TARDBP: variants seen among roughly 807,000 people sequenced by gnomAD.
The protein encoded by TARDBP is TAR DNA-binding protein 43.
TARDBP carries 4 observed loss-of-function variants against 38.3 expected under a neutral mutation model. The observed-to-expected ratio is 0.10, with a 90% CI of 0.05 to 0.24. TARDBP has a LOEUF of 0.24. Ranked by LOEUF, TARDBP falls within the 10% of genes least tolerant of loss-of-function variation. The pLI is 1.00. For synonymous variants in TARDBP, 184 were observed against 183.8 expected (o/e 1.00, Z -0.01); for missense variants, 202 against 521.9 (o/e 0.39, Z 5.97).
At chr1:11,029,605 T>TATA (rs898571346), downstream of TARDBP, 9 of 149,912 alleles carry the variant, frequency 6.0e-5, no homozygotes, top group African/African-American at 2.2e-4. Context: ...TTTATAAATG[T>TATA]ATAAGTTGGT....
intron 3 of TARDBP, 94 bp downstream of exon 3, chr1:11,017,101 G>T: frequency 1.5e-6 from 2 of 1,375,478 alleles, no homozygotes; most frequent in Non-Finnish European, 2.0e-6. Context: ...GTATCACTAT[G>T]TTCCCTAGGT....
At chr1:11,027,733 A>G, downstream of TARDBP, 4 of 1,428,588 alleles carry the variant, frequency 2.8e-6, no homozygotes, top group South Asian at 5.6e-5. Flanking sequence ...TGAAGTATAT[A>G]TTTGATGTCA....
intron 3 of TARDBP, among the ~76,000 whole-genome samples, chr1:11,017,218 T>C (rs1643543216): frequency 6.6e-6 from 1 of 150,988 alleles, no homozygotes; most frequent in Admixed American, 6.6e-5. Flanking sequence ...TTTTTTTTTT[T>C]TTGGAGACCA....
intron 5 of TARDBP, 98 bp downstream of exon 5, chr1:11,020,697 GGA>G: frequency 1.5e-6 from 2 of 1,327,748 alleles, no homozygotes. Flanking sequence ...CACGAGGTCA[GGA>G]GATCAAGACC....
downstream of TARDBP, chr1:11,027,117 C>G: frequency 6.2e-7 from 1 of 1,610,718 alleles, no homozygotes; most frequent in Non-Finnish European, 8.5e-7. Flanking sequence ...AGTTACACTT[C>G]CCCTTGGATA....
downstream of TARDBP, chr1:11,026,562 C>T (rs1474793015): frequency 1.0e-5 from 2 of 199,620 alleles, no homozygotes; most frequent in Non-Finnish European, 2.0e-5. Flanking sequence ...CATGGACAGG[C>T]AGTTTACAGA....
chr1:11,020,750 C>CA lies in TARDBP; in HGVS notation c.714+166dup, dbSNP rs57781131. The CA allele has an allele frequency of 0.044, 21,847 of 494,446 alleles. 47 individuals are homozygous for CA. Among genetic ancestry groups the CA allele is most frequent in the African/African-American group, 0.059 (2,679 of 45,276 alleles). The allele number at this position is 494,446 out of a possible 1,614,324, so 30.6% of individuals were successfully genotyped here. On this transcript the variant is annotated intron_variant, in intron 5 of 5. Coordinates refer to ENST00000240185, the MANE Select transcript of TARDBP (RefSeq NM_007375.4). The stretch of plus-strand genomic sequence containing the variant: ...GTGAAACCCCGTCTCTATTAAAATA[C>CA]AAAAAAAAAAAAAAATAGCTCGGTG...
At chr1:11,015,208 C>G (rs754460882) in intron 2 of TARDBP, among the ~76,000 whole-genome samples, 1 of 151,170 alleles carries the variant, frequency 6.6e-6, no homozygotes, top group East Asian at 2.0e-4. Flanking sequence ...ATGTCAGGCT[C>G]GGTGCAATGG....
downstream of TARDBP, chr1:11,027,221 T>G (rs1253980082): frequency 3.1e-6 from 5 of 1,614,156 alleles, no homozygotes; most frequent in Middle Eastern, 1.6e-4. Context: ...CCCTTTGGGT[T>G]AATCCCCATC....
downstream of TARDBP, chr1:11,025,738 G>A (rs1387669071): frequency 6.6e-6 from 1 of 152,554 alleles, no homozygotes; most frequent in Non-Finnish European, 1.5e-5. Context: ...AAACCTTTTA[G>A]GAAGGAATAG....
intron 2 of TARDBP, among the ~76,000 whole-genome samples, chr1:11,015,927 A>T (rs553627602): frequency 7.6e-6 from 1 of 131,878 alleles, no homozygotes; most frequent in African/African-American, 2.9e-5. Flanking sequence ...ATTTTTATTT[A>T]TTTATTTTTA....
At chr1:11,019,890 G>A (rs1183027958) in intron 4 of TARDBP, among the ~76,000 whole-genome samples, 1 of 130,860 alleles carries the variant, frequency 7.6e-6, no homozygotes, top group African/African-American at 2.9e-5. Flanking sequence ...TTGAGATGGA[G>A]TTTCACTCTT....
chr1:11,028,554 C>T (rs1026463677), downstream of TARDBP, among the ~76,000 whole-genome samples: 4 of 152,072 alleles, frequency 2.6e-5, no homozygotes, highest in Non-Finnish European at 5.9e-5. Context: ...TAAATACGCC[C>T]ATTAATGTAG....
downstream of TARDBP, chr1:11,027,364 C>T (rs757211226): frequency 6.8e-6 from 11 of 1,614,140 alleles, no homozygotes; most frequent in South Asian, 1.1e-4. Flanking sequence ...TTGTCAAAGC[C>T]AGCATCATGA....
chr1:11,027,068 C>T (rs372683089), downstream of TARDBP: 1 of 1,593,260 alleles, frequency 6.3e-7, no homozygotes, highest in Non-Finnish European at 8.5e-7. Context: ...TGCAGCTGTC[C>T]TTGCCCCCAC....
At chr1:11,017,131 GC>G in intron 3 of TARDBP, 124 bp downstream of exon 3, 1 of 1,069,474 alleles carries the variant, frequency 9.4e-7, no homozygotes, top group Non-Finnish European at 1.4e-6. Flanking sequence ...AAACTCCTGG[GC>G]CCATACTGTC....
At chr1:11,028,163 A>G (rs577425682), downstream of TARDBP, among the ~76,000 whole-genome samples, 5 of 152,210 alleles carry the variant, frequency 3.3e-5, 1 homozygote, top group South Asian at 1.0e-3. Flanking sequence ...CGGAGGTTGC[A>G]GTAAGACAAG....
rs1643678869 is a variant in TARDBP, at chr1:11,023,427, CT to C, written c.*777del. ...ATATGGAACCAGAAGGCTGTCTGAACTTTTGAAACCTTGTGTGGGATTGATG... is the reference window on the plus strand; with the variant it reads ...ATATGGAACCAGAAGGCTGTCTGAACTTTGAAACCTTGTGTGGGATTGATG... On this transcript the variant is annotated 3_prime_UTR_variant, in exon 6 of 6. Coordinates refer to ENST00000240185, the MANE Select transcript of TARDBP (RefSeq NM_007375.4). 1 of 679,470 alleles carries C rather than the reference CT, an allele frequency of 1.5e-6. No homozygotes were observed. Among genetic ancestry groups the C allele is most frequent in the Admixed American group, 3.0e-5 (1 of 33,456 alleles). The allele number at this position is 679,470 out of a possible 1,614,324, so 42.1% of individuals were successfully genotyped here.
intron 4 of TARDBP, among the ~76,000 whole-genome samples, 198 bp from the exon 5 acceptor site, chr1:11,020,231 T>G (rs985380837): frequency 1.3e-5 from 2 of 152,212 alleles, no homozygotes; most frequent in Admixed American, 1.3e-4. Context: ...ACTGTGTACT[T>G]TTGTAACTTA....
Sources: gnomAD v4.1 joint callset for allele counts (sites outside exome capture counted in the v4.1 genomes callset) on GRCh38, gnomAD v4.1.1 for gene constraint, MANE v1.5 for transcripts, NCBI Gene and HGNC (gene_info 2026-07-23, HGNC 2026-07-21) for gene names.